Variants in SYNE1 observed in about 807,000 individuals in gnomAD.
SYNE1 encodes nesprin-1.
Under a neutral mutation model 1,111.0 loss-of-function variants are expected in SYNE1, and 616 were observed. That is an observed-to-expected ratio of 0.55 (90% CI 0.52 to 0.59). The LOEUF (loss-of-function observed/expected upper bound fraction) is 0.59. Among genes scored for constraint, SYNE1 ranks in the 20% least tolerant of loss-of-function variants. The pLI, the probability that SYNE1 is intolerant of heterozygous loss-of-function variation, is 0.00. For missense variants in SYNE1, 10,006 were observed against 10,417.0 expected (o/e 0.96, Z 1.72); for synonymous variants, 3,855 against 3,825.8 (o/e 1.01, Z -0.28).
chr6:152,461,951 C>G (rs1174973844), intron 20 of SYNE1, among the ~76,000 whole-genome samples: 1 of 151,620 alleles, frequency 6.6e-6, no homozygotes, highest in African/African-American at 2.4e-5. Context: ...TAAAAGTGAC[C>G]AAAACATCAA....
intron 47 of SYNE1, among the ~76,000 whole-genome samples, chr6:152,400,936 G>A (rs1056821015): frequency 2.0e-5 from 3 of 152,106 alleles, no homozygotes; most frequent in African/African-American, 7.2e-5. Context: ...CTATTTTCAA[G>A]GTATTCATTT....
At chr6:152,305,791 A>C (rs2095355700) in intron 91 of SYNE1, among the ~76,000 whole-genome samples, 1 of 152,338 alleles carries the variant, frequency 6.6e-6, no homozygotes, top group East Asian at 1.9e-4. Context: ...AATGAAGCTC[A>C]CACAGGACTG....
Position 152,143,673 on chromosome 6 carries a change from G to C in SYNE1, c.25069C>G (p.Arg8357Gly). 6.2e-7 allele frequency: 1 copy of C among 1,614,168 alleles called. No individual in the cohort carries two copies. The highest frequency in any genetic ancestry group is 8.5e-7 in the Non-Finnish European group (1 of 1,180,034). Residue 8357 changes from arginine (R) to glycine (G), a missense_variant, in exon 138 of 146, where the codon CGC becomes GGC. Transcript: ENST00000367255. ...FQIQQTENII[R>G]SKTPTGPELD... is the part of the protein sequence containing the mutation. ...TCCGGCCCCGTGGGAGTTTTGCTGC[G>C]AATGATATTTTCGGTTTGCTGTATC...
chr6:152,455,665 T>G, intron 23 of SYNE1, 75 bp from the exon 24 acceptor site: 1 of 1,590,468 alleles, frequency 6.3e-7, no homozygotes, highest in Non-Finnish European at 8.6e-7. Flanking sequence ...GAGGGTATTA[T>G]TCATTTAAAA....
chr6:152,311,109 A>G, intron 87 of SYNE1: 1 of 547,130 alleles, frequency 1.8e-6, no homozygotes, highest in Non-Finnish European at 3.3e-6. Flanking sequence ...ATGTCATACT[A>G]CGTGTGGGAC....
chr6:152,381,011 C>A lies in SYNE1; in HGVS notation c.9004G>T (p.Gly3002Ter). ...DEEIVECWHK[G>*]QEILDALQKA... ...AAAACAGGAAGCCAACTTACTTGTC[C>A]TTTGTGCCAGCATTCCACTATCTCC... The change falls in exon 56 of 146, where the codon GGA becomes TGA. Residue 3002 changes from glycine to a stop codon, truncating the protein, a stop_gained. Coordinates refer to ENST00000367255, the MANE Select transcript of SYNE1 (RefSeq NM_182961.4). LOFTEE classifies it high-confidence loss of function. The A allele has an allele frequency of 6.2e-7, 1 of 1,613,982 alleles. No homozygotes were observed. Among genetic ancestry groups the A allele is most frequent in the Non-Finnish European group, 8.5e-7 (1 of 1,179,924 alleles).
chr6:152,196,853 G>A (rs1175890168), intron 127 of SYNE1, among the ~76,000 whole-genome samples: 1 of 152,082 alleles, frequency 6.6e-6, no homozygotes, highest in Non-Finnish European at 1.5e-5. Flanking sequence ...GACCCACCTA[G>A]GAGTGTAGTA....
At chr6:152,462,688 T>C in intron 20 of SYNE1, 50 bp downstream of exon 20, 1 of 1,611,108 alleles carries the variant, frequency 6.2e-7, no homozygotes, top group South Asian at 1.1e-5. Context: ...TTGCTGATCT[T>C]TCCTCTCACA....
At chr6:152,169,089 C>T (rs192116176) in intron 130 of SYNE1, among the ~76,000 whole-genome samples, 1 of 151,828 alleles carries the variant, frequency 6.6e-6, no homozygotes, top group Non-Finnish European at 1.5e-5. Context: ...TGCTTTACAT[C>T]CTTTAGGGGA....
intron 126 of SYNE1, among the ~76,000 whole-genome samples, chr6:152,204,146 C>A (rs2076048332): frequency 6.6e-6 from 1 of 152,106 alleles, no homozygotes; most frequent in African/African-American, 2.4e-5. Flanking sequence ...GGGCAGATCA[C>A]TTGAAGCCAG....
At chr6:152,243,808 A>G (rs1562457942) in intron 106 of SYNE1, among the ~76,000 whole-genome samples, 1 of 152,214 alleles carries the variant, frequency 6.6e-6, no homozygotes, top group African/African-American at 2.4e-5. Flanking sequence ...GTGTGACTGT[A>G]CACAGTTGTA....
intron 99 of SYNE1, 40 bp from the exon 100 acceptor site, chr6:152,268,205 TTTATGA>T: frequency 6.8e-7 from 1 of 1,470,150 alleles, no homozygotes; most frequent in South Asian, 1.1e-5. Context: ...CATTTGCTAC[TTTATGA>T]TTATTGCCTA....
intron 101 of SYNE1, among the ~76,000 whole-genome samples, chr6:152,260,167 G>A (rs77510395): frequency 0.012 from 1,857 of 152,232 alleles, 43 homozygotes; most frequent in African/African-American, 0.041. Context: ...TAGAAATATC[G>A]TAGATTTCTC....
rs141697282 is a variant in SYNE1 at position 152,552,088 on chromosome 6, C to T, written c.68-12067G>A. Among the ~76,000 whole-genome samples, 473 of 152,176 alleles carry T rather than the reference C, an allele frequency of 3.1e-3. 2 individuals are homozygous for T. The highest frequency in any genetic ancestry group is 0.011 in the African/African-American group (450 of 41,520). ...TTAACCTGAAACTGTATTCCAATAC[C>T]AAGAGTTTCAACAATTCAAAATACA... is the stretch of plus-strand genomic sequence containing the variant. On this transcript the variant is annotated intron_variant, in intron 3 of 145. Transcript: ENST00000367255.
chr6:152,447,495 G>C lies in SYNE1; in HGVS notation c.3632C>G (p.Ser1211Cys). 1 of 1,614,202 alleles carries C rather than the reference G, an allele frequency of 6.2e-7. No individual in the cohort carries two copies. The highest frequency in any genetic ancestry group is 8.5e-7 in the Non-Finnish European group (1 of 1,180,034). Reference protein sequence around the residue: ...QKQGDELAKLSSSFKALVTLL... With the variant: ...QKQGDELAKLCSSFKALVTLL... Reference sequence around the variant, plus strand: ...CGTCACAAGAGCCTTGAAAGAGCTGGATAATTTTGCCAGCTCATCTCCCTG... The same window carrying C: ...CGTCACAAGAGCCTTGAAAGAGCTGCATAATTTTGCCAGCTCATCTCCCTG... The change falls in exon 29 of 146, where the codon TCC becomes TGC. Residue 1211 changes from serine to cysteine, a missense_variant. Ser to Cys is a moderately radical substitution (Grantham distance 112, BLOSUM62 -1). This residue lies in a region of SYNE1 where 1,971 missense variants were observed against 2,084.1 expected (regional missense o/e 0.95). Coordinates refer to ENST00000367255, the MANE Select transcript of SYNE1 (RefSeq NM_182961.4).
Position 152,472,296 on chromosome 6 carries a change from C to T in SYNE1, c.1463+5G>A, listed in dbSNP as rs1196692658. On this transcript the variant is annotated splice_donor_5th_base_variant and intron_variant, in intron 15 of 145. Coordinates refer to ENST00000367255, the MANE Select transcript of SYNE1 (RefSeq NM_182961.4). ...GACTTCCTTTAAATGCAGATATTCT[C>T]TTACCTCTCGGCCATGTCCTCTAAT... 6.2e-7 allele frequency: 1 copy of T among 1,608,382 alleles called. No individual in the cohort carries two copies. The highest frequency in any genetic ancestry group is 8.5e-7 in the Non-Finnish European group (1 of 1,174,860).
intron 16 of SYNE1, among the ~76,000 whole-genome samples, chr6:152,467,476 A>G (rs2098777660): frequency 6.6e-6 from 1 of 152,128 alleles, no homozygotes; most frequent in Admixed American, 6.5e-5. Context: ...CAAAGTTTAG[A>G]AAAGAATCTG....
At chr6:152,248,628 A>G (rs1344809696) in intron 105 of SYNE1, among the ~76,000 whole-genome samples, 2 of 152,196 alleles carry the variant, frequency 1.3e-5, no homozygotes, top group Non-Finnish European at 2.9e-5. Flanking sequence ...AATTCAGCTA[A>G]AATAGAATTA....
At position 152,148,414 on chromosome 6, in the gene SYNE1, T is replaced by C; in HGVS notation, c.24643-36A>G. ...AGTCAAGGCAACCCTGTCACTGTAGTGGTCAGACTAGCTTCTTATCTGGGC... is the reference window on the plus strand; with the variant it reads ...AGTCAAGGCAACCCTGTCACTGTAGCGGTCAGACTAGCTTCTTATCTGGGC... On this transcript the variant is annotated intron_variant, in intron 136 of 145. Coordinates refer to ENST00000367255, the MANE Select transcript of SYNE1 (RefSeq NM_182961.4). The surrounding 1 kb of genome is among the most constrained non-coding windows in gnomAD (Gnocchi z 4.1). The C allele has an allele frequency of 6.3e-7, 1 of 1,599,236 alleles. No individual in the cohort carries two copies. The highest frequency in any genetic ancestry group is 8.5e-7 in the Non-Finnish European group (1 of 1,172,302).
Sources: gnomAD v4.1 joint callset for allele counts (sites outside exome capture counted in the v4.1 genomes callset) on GRCh38, gnomAD v4.1.1 for gene constraint, gnomAD v4.1.1 regional missense constraint, Gnocchi (gnomAD v3.1) non-coding constraint, MANE v1.5 for transcripts, NCBI Gene and HGNC (gene_info 2026-07-23, HGNC 2026-07-21) for gene names.